PIK3CD: variants seen among roughly 807,000 people sequenced by gnomAD.
The protein encoded by PIK3CD is phosphatidylinositol-4,5-bisphosphate 3-kinase catalytic subunit delta.
In PIK3CD, 20 loss-of-function variants were observed where a neutral mutation model predicts 122.9. The observed-to-expected ratio is 0.16, with a 90% confidence interval of 0.11 to 0.24. The LOEUF is 0.24. Ranked by LOEUF, PIK3CD falls within the 10% of genes least tolerant of loss-of-function variation. PIK3CD has a pLI of 1.00. For missense variants in PIK3CD, 787 were observed against 1,406.3 expected, an observed-to-expected ratio of 0.56 and a Z score of 7.04; for synonymous variants, 596 against 593.4, an observed-to-expected ratio of 1.00 and a Z score of -0.06.
the PIK3CD span, among the ~76,000 whole-genome samples, chr1:9,635,557 G>A: frequency 1.3e-5 from 2 of 152,118 alleles, no homozygotes; most frequent in Non-Finnish European, 2.9e-5. Context: ...TCACTGATTG[G>A]CTCGCCTTGG....
intron 2 of PIK3CD, among the ~76,000 whole-genome samples, chr1:9,692,418 G>A (rs180873427): frequency 2.7e-4 from 41 of 152,212 alleles, no homozygotes; most frequent in Middle Eastern, 3.4e-3. Flanking sequence ...TGATGATTGC[G>A]GATCTCTTTT....
chr1:9,666,355 C>T (rs989858030), intron 1 of PIK3CD, among the ~76,000 whole-genome samples: 3 of 147,370 alleles, frequency 2.0e-5, no homozygotes, highest in Non-Finnish European at 4.4e-5. Flanking sequence ...GATTCTCCTG[C>T]CTCAGCCTCT....
intron 1 of PIK3CD, among the ~76,000 whole-genome samples, chr1:9,658,369 G>C (rs1644917040): frequency 6.9e-6 from 1 of 144,598 alleles, no homozygotes; most frequent in African/African-American, 2.6e-5. Context: ...CTGCGTGACA[G>C]AGCGAGACCC....
chr1:9,690,212 C>G (rs1646150234), intron 1 of PIK3CD, among the ~76,000 whole-genome samples: 1 of 152,180 alleles, frequency 6.6e-6, no homozygotes, highest in African/African-American at 2.4e-5. Flanking sequence ...GGTGGCAGAC[C>G]CAGATCCTGA....
At position 9,689,767 on chromosome 1, in the gene PIK3CD, G is replaced by A. The variant is rs1646126235; in HGVS notation, c.-137-1700G>A. ...GGCGTCTGCGGGGTCCCCGTGCCCC[G>A]CCCCCAGCCCCGCCGGGCGTCCCAC... On this transcript the variant is annotated intron_variant, in intron 1 of 23. Coordinates refer to ENST00000377346, the MANE Select transcript of PIK3CD (RefSeq NM_005026.5). This position sits in a 1 kb window ranked among gnomAD's most constrained non-coding sequence, Gnocchi z 6.1. 6.6e-6 allele frequency among the ~76,000 whole-genome samples: 1 copy of A among 151,422 alleles called. No homozygotes were observed. The highest frequency in any genetic ancestry group is 2.4e-5 in the African/African-American group (1 of 41,348).
chr1:9,663,288 C>T (rs1465537767), intron 1 of PIK3CD, among the ~76,000 whole-genome samples: 1 of 152,206 alleles, frequency 6.6e-6, no homozygotes, highest in Non-Finnish European at 1.5e-5. Context: ...AGGGAAGCTA[C>T]CCCACAGCCC....
At chr1:9,672,833 CATTTT>C (rs1645373578) in intron 1 of PIK3CD, 2 of 152,056 alleles carry the variant, frequency 1.3e-5, no homozygotes, top group Admixed American at 6.6e-5. Flanking sequence ...CAAATGTAAA[CATTTT>C]ATTTTATTTT....
intron 1 of PIK3CD, chr1:9,654,224 T>C (rs757899226): frequency 7.3e-7 from 1 of 1,367,694 alleles, no homozygotes; most frequent in Admixed American, 1.9e-5. Flanking sequence ...TTAGGGCACG[T>C]GCCCCAGAGG....
chr1:9,664,872 T>C (rs1645112605), intron 1 of PIK3CD, among the ~76,000 whole-genome samples: 1 of 152,130 alleles, frequency 6.6e-6, no homozygotes, highest in African/African-American at 2.4e-5. Context: ...TTCCTTGACA[T>C]CACCTGAGAT....
the PIK3CD span, among the ~76,000 whole-genome samples, chr1:9,631,158 T>C: frequency 1.4e-4 from 21 of 152,324 alleles, no homozygotes; most frequent in South Asian, 1.0e-3. Flanking sequence ...TCTGCCCGTC[T>C]GCATCACACC....
In PIK3CD at chr1:9,710,123, T is replaced by G; in HGVS notation, c.-32-301T>G. On this transcript the variant is annotated intron_variant, in intron 2 of 23. Transcript: ENST00000377346. This position sits in a 1 kb window ranked among gnomAD's most constrained non-coding sequence, Gnocchi z 4.7. ...GTGCCAGCTGGTGGCCATGACTGGC[T>G]TTCGTGGATGTGTATGTTCCTGAGG... The G allele has an allele frequency of 2.6e-6, 1 of 383,108 alleles. No individual in the cohort carries two copies. The highest frequency in any genetic ancestry group is 5.0e-6 in the Non-Finnish European group (1 of 199,338). 23.7% of individuals were successfully genotyped at this position (383,108 alleles called of 1,614,324 possible).
intron 1 of PIK3CD, among the ~76,000 whole-genome samples, chr1:9,668,073 G>A (rs2100942196): frequency 6.6e-6 from 1 of 152,040 alleles, no homozygotes; most frequent in Middle Eastern, 3.4e-3. Flanking sequence ...TTCTTTTATT[G>A]CCAATGAGTT....
intron 1 of PIK3CD, 114 bp downstream of exon 1, chr1:9,651,916 G>C (rs1020536993): frequency 1.3e-5 from 2 of 152,302 alleles, no homozygotes; most frequent in African/African-American, 4.8e-5. Context: ...GCGTCTCTCC[G>C]GCACACACAG....
Position 9,722,110 on chromosome 1 carries a change from C to T in PIK3CD, c.2191C>T (p.Leu731=). Residue 731 remains leucine (L), a synonymous_variant, in exon 17 of 24, where the codon CTG becomes TTG. Transcript: ENST00000377346. The surrounding 1 kb of genome is among the most constrained non-coding windows in gnomAD (Gnocchi z 7.6). ...QEAYLEALSH[L]QSPLDPSTLL... ...GGCCTACCTAGAGGCCCTCTCCCAC[C>T]TGCAGTCCCCACTCGACCCCAGCAC... 1 of 1,613,374 alleles carries T rather than the reference C, an allele frequency of 6.2e-7. No homozygotes were observed. Among genetic ancestry groups the T allele is most frequent in the Non-Finnish European group, 8.5e-7 (1 of 1,179,954 alleles).
Position 9,718,622 on chromosome 1 carries a change from T to C in PIK3CD, c.1021-72T>C, listed in dbSNP as rs1647949339. 6.5e-6 allele frequency: 9 copies of C among 1,391,830 alleles called. No individual in the cohort carries two copies. In the Admixed American group the frequency reaches 1.2e-4, roughly 18 times the overall value. The allele number at this position is 1,391,830 out of a possible 1,614,324, so 86.2% of individuals were successfully genotyped here. A position where few individuals can be genotyped will look rare whatever the true frequency, so the allele number is the denominator to read the frequency against. Reference sequence around the variant, plus strand: ...ACCTGAGGACATTCAAGGGGGAGACTGACACCTTAAGGGGGAGGGGAGAGG... The same window carrying C: ...ACCTGAGGACATTCAAGGGGGAGACCGACACCTTAAGGGGGAGGGGAGAGG... On this transcript the variant is annotated intron_variant, in intron 8 of 23. Transcript: ENST00000377346. This position sits in a 1 kb window ranked among gnomAD's most constrained non-coding sequence, Gnocchi z 7.2.
At chr1:9,631,244 G>C in the PIK3CD span, among the ~76,000 whole-genome samples, 1 of 152,222 alleles carries the variant, frequency 6.6e-6, no homozygotes, top group Admixed American at 6.5e-5. Flanking sequence ...CCCTGGGAAG[G>C]ACTTGATTAG....
At chr1:9,676,429 C>T (rs1645540520) in intron 1 of PIK3CD, among the ~76,000 whole-genome samples, 1 of 152,230 alleles carries the variant, frequency 6.6e-6, no homozygotes, top group South Asian at 2.1e-4. Context: ...TCCTCTACAG[C>T]AAGAGTGGGC....
chr1:9,715,385 C>G lies in PIK3CD; in HGVS notation c.142-156C>G, dbSNP rs1247274380. On this transcript the variant is annotated intron_variant, in intron 3 of 23. Coordinates refer to ENST00000377346, the MANE Select transcript of PIK3CD (RefSeq NM_005026.5). The surrounding 1 kb of genome is among the most constrained non-coding windows in gnomAD (Gnocchi z 4.1). ...AAGCCTGTCCACCCATGGTCAGCAC[C>G]CAGGGGGCTGCAGAGAGTGCAGATC... Among the ~76,000 whole-genome samples, 1 of 152,158 alleles carries G rather than the reference C, an allele frequency of 6.6e-6. No individual in the cohort carries two copies. The highest frequency in any genetic ancestry group is 1.5e-5 in the Non-Finnish European group (1 of 68,006).
intron 2 of PIK3CD, among the ~76,000 whole-genome samples, chr1:9,708,333 C>A (rs1264270496): frequency 6.6e-6 from 1 of 152,032 alleles, no homozygotes; most frequent in African/African-American, 2.4e-5. Flanking sequence ...AGGCATGAAT[C>A]ACCACACCCA....
Sources: allele counts gnomAD v4.1 joint callset (sites outside exome capture counted in the v4.1 genomes callset), GRCh38; gene constraint gnomAD v4.1.1; non-coding constraint Gnocchi (gnomAD v3.1); transcripts MANE v1.5; gene names NCBI Gene and HGNC (gene_info 2026-07-23, HGNC 2026-07-21).